The following NFATC2 variants were observed in gnomAD, a reference collection of about 807,000 sequenced individuals.
NFATC2 encodes the protein nuclear factor of activated T cells 2, also known as nuclear factor of activated T-cells, cytoplasmic 2.
A neutral mutation model predicts 87.3 loss-of-function variants in NFATC2; 22 were observed. That is an observed-to-expected ratio of 0.25 (90% CI 0.18 to 0.36). The LOEUF is 0.36. Among genes scored for constraint, NFATC2 ranks in the 10% least tolerant of loss-of-function variants. The probability of loss-of-function intolerance (pLI) is 1.00; values close to 1 mark genes in which losing one functional copy is unlikely to be tolerated. For missense variants in NFATC2, 1,149 were observed against 1,259.1 expected (o/e 0.91, Z 1.32); for synonymous variants, 565 against 542.2 (o/e 1.04, Z -0.58).
chr20:51,430,121 T>A (rs1360107741), intron 9 of NFATC2, among the ~76,000 whole-genome samples: 1 of 152,222 alleles, frequency 6.6e-6, no homozygotes, highest in African/African-American at 2.4e-5. Context: ...GCACTCACCA[T>A]TTGCCTTTAA....
chr20:51,523,306 G>A lies in NFATC2; in HGVS notation c.935C>T (p.Thr312Met), dbSNP rs376937921. ...GGGGGGGATCCCACAAGGCGAGTCC[G>A]TGGCGAGGCTGTTCAGGGCATCCAT... ...VIMDALNSLA[T>M]DSPCGIPPKM... is the part of the protein sequence containing the mutation. The change falls in exon 2 of 11, where the codon ACG (threonine) becomes ATG (methionine). Residue 312 changes from threonine (T) to methionine (M), a missense_variant. Thr to Met is a moderately conservative substitution (Grantham distance 81). Coordinates refer to ENST00000371564, the MANE Select transcript of NFATC2 (RefSeq NM_012340.5). This position sits in a 1 kb window ranked among gnomAD's most constrained non-coding sequence, Gnocchi z 6.9. 9 of 1,613,750 alleles carry A rather than the reference G, an allele frequency of 5.6e-6. No homozygotes were observed. Among genetic ancestry groups the A allele is most frequent in the Admixed American group, 1.7e-5 (1 of 60,002 alleles).
chr20:51,435,161 A>G, intron 8 of NFATC2, 27 bp downstream of exon 8: 1 of 1,613,262 alleles, frequency 6.2e-7, no homozygotes, highest in Non-Finnish European at 8.5e-7. Flanking sequence ...TCTCAATAAC[A>G]AAGGGGTCAT....
intron 3 of NFATC2, among the ~76,000 whole-genome samples, chr20:51,501,915 A>G (rs1316983040): frequency 2.0e-5 from 3 of 152,182 alleles, no homozygotes; most frequent in African/African-American, 4.8e-5. Context: ...CTGCAGTGGT[A>G]CAAAAGCAAC....
At chr20:51,540,663 T>TTTTTTTTGTTGTTTG in intron 1 of NFATC2, among the ~76,000 whole-genome samples, 1 of 135,772 alleles carries the variant, frequency 7.4e-6, no homozygotes, top group African/African-American at 2.8e-5. Flanking sequence ...TTTTTGTTTT[T>TTTTTTTTGTTGTTTG]TTTTTTTTGA....
chr20:51,559,786 C>T (rs1047209751), intron 1 of NFATC2, among the ~76,000 whole-genome samples: 2 of 152,178 alleles, frequency 1.3e-5, no homozygotes, highest in Admixed American at 6.5e-5. Context: ...TGGGCAAAGC[C>T]GGGTCTCACT....
intron 9 of NFATC2, among the ~76,000 whole-genome samples, chr20:51,402,157 T>C (rs1270762754): frequency 6.6e-6 from 1 of 152,180 alleles, no homozygotes; most frequent in Non-Finnish European, 1.5e-5. Flanking sequence ...ACTTACAATC[T>C]ACGGAGAAAC....
chr20:51,553,675 CA>C (rs35610887), intron 1 of NFATC2, among the ~76,000 whole-genome samples: 183 of 104,814 alleles, frequency 1.7e-3, no homozygotes, highest in African/African-American at 2.5e-3. Flanking sequence ...GACTCCATCT[CA>C]AAAAAAAAAA....
chr20:51,395,630 AATGATCTC>A (rs1986962310), intron 10 of NFATC2, among the ~76,000 whole-genome samples: 1 of 151,448 alleles, frequency 6.6e-6, no homozygotes. Flanking sequence ...ACTGATGGAG[AATGATCTC>A]AGGGTGACTA....
At chr20:51,464,957 C>T (rs1987528535) in intron 5 of NFATC2, among the ~76,000 whole-genome samples, 1 of 152,206 alleles carries the variant, frequency 6.6e-6, no homozygotes, top group Non-Finnish European at 1.5e-5. Context: ...ACTTGACACA[C>T]AGCAGATGAT....
intron 6 of NFATC2, among the ~76,000 whole-genome samples, chr20:51,453,246 A>G (rs1051277122): frequency 2.6e-5 from 4 of 152,356 alleles, no homozygotes; most frequent in African/African-American, 7.2e-5. Context: ...CGAGACTGGA[A>G]GAAGCACTCT....
Position 51,551,765 on chromosome 20 carries a change from T to A in NFATC2, c.70+10795A>T, listed in dbSNP as rs150296922. Reference sequence around the variant, plus strand: ...ATATTAGGTCGCACACAGTGGCTCATGCCTGTAATCCCAGCACATTGGGAG... The same window carrying A: ...ATATTAGGTCGCACACAGTGGCTCAAGCCTGTAATCCCAGCACATTGGGAG... On this transcript the variant is annotated intron_variant, in intron 1 of 10. Coordinates refer to the NFATC2 transcript ENST00000414705. Among the ~76,000 whole-genome samples, 268 of 152,192 alleles carry A rather than the reference T, an allele frequency of 1.8e-3. 7 individuals carry two copies. The East Asian group carries it at 0.037, about 21-fold the overall frequency.
At chr20:51,495,094 A>AT (rs1684809953) in intron 3 of NFATC2, among the ~76,000 whole-genome samples, 1 of 151,824 alleles carries the variant, frequency 6.6e-6, no homozygotes. Flanking sequence ...ACCTCATTTT[A>AT]TTTTTTTTCT....
At position 51,389,602 on chromosome 20, in the gene NFATC2, T is replaced by C. The variant is rs1282093169; in HGVS notation, c.*1894A>G. On this transcript the variant is annotated 3_prime_UTR_variant, in exon 11 of 11. Transcript: ENST00000371564. ...TATTTAAAAGAGAATTTTGCTAAAC[T>C]CTTTGAGCTTAGGGTGGGTGAGGGA... 6.6e-6 allele frequency: 1 copy of C among 152,192 alleles called. No individual in the cohort carries two copies. Among genetic ancestry groups the C allele is most frequent in the Non-Finnish European group, 1.5e-5 (1 of 68,030 alleles). 9.4% of individuals were successfully genotyped at this position (152,192 alleles called of 1,614,324 possible).
At chr20:51,549,698 A>G (rs1421777389) in intron 1 of NFATC2, among the ~76,000 whole-genome samples, 3 of 152,222 alleles carry the variant, frequency 2.0e-5, no homozygotes, top group African/African-American at 7.2e-5. Context: ...GATGAATTAG[A>G]TAATACCTGA....
In NFATC2 at chr20:51,542,674, C is replaced by T. The variant is rs1044140274; in HGVS notation, c.-175G>A. ...TGGCGCAGCGGGTCCTGGACGCGCC[C>T]GGGGAAGCTGAGCGGCGGCGGCGAC... On this transcript the variant is annotated 5_prime_UTR_variant, in exon 1 of 11. Coordinates refer to ENST00000371564, the MANE Select transcript of NFATC2 (RefSeq NM_012340.5). The T allele has an allele frequency of 8.4e-6, 9 of 1,066,754 alleles. 1 individual carries two copies. The highest frequency in any genetic ancestry group is 4.3e-4 in the Middle Eastern group (1 of 2,324). The allele number at this position is 1,066,754 out of a possible 1,614,324, so 66.1% of individuals were successfully genotyped here.
rs751733837 is a variant in NFATC2, at chr20:51,432,473, G to A, written c.2316C>T (p.Ala772=). 36 of 1,553,906 alleles carry A rather than the reference G, an allele frequency of 2.3e-5. No individual in the cohort carries two copies. The highest frequency in any genetic ancestry group is 6.1e-5 in the South Asian group (5 of 82,200). The change falls in exon 9 of 11, where the codon GCC becomes GCT. Residue 772 remains alanine, a synonymous_variant. Transcript: ENST00000371564. This position sits in a 1 kb window ranked among gnomAD's most constrained non-coding sequence, Gnocchi z 4.6. ...GAGCGTCCGCAAGGGACAGCGGGGC[G>A]GCCATGAGGGCCGGCTGCTGATAGC... The part of the protein sequence containing the change: ...LLGYQQPALM[A]APLSLADAHR...
At chr20:51,535,586 C>T (rs2076707026) in intron 1 of NFATC2, among the ~76,000 whole-genome samples, 1 of 152,210 alleles carries the variant, frequency 6.6e-6, no homozygotes, top group South Asian at 2.1e-4. Context: ...CCTGCCAACC[C>T]CCTGGTTATT....
chr20:51,529,799 G>A (rs2076604336), intron 1 of NFATC2, among the ~76,000 whole-genome samples: 2 of 151,712 alleles, frequency 1.3e-5, no homozygotes, highest in South Asian at 4.2e-4. Flanking sequence ...ACTGCAGATG[G>A]AAAATCAATG....
intron 5 of NFATC2, among the ~76,000 whole-genome samples, chr20:51,457,554 T>C (rs1037110229): frequency 6.6e-6 from 1 of 151,874 alleles, no homozygotes; most frequent in African/African-American, 2.4e-5. Context: ...CTTTGCCAAG[T>C]CTGCATTTCC....
Sources: allele counts gnomAD v4.1 joint callset (sites outside exome capture counted in the v4.1 genomes callset), GRCh38; gene constraint gnomAD v4.1.1; non-coding constraint Gnocchi (gnomAD v3.1); transcripts MANE v1.5; gene names NCBI Gene and HGNC (gene_info 2026-07-23, HGNC 2026-07-21).